GRM8: variants seen among roughly 807,000 people sequenced by gnomAD.
GRM8 encodes metabotropic glutamate receptor 8.
GRM8 carries 47 observed loss-of-function variants against 87.2 expected under a neutral mutation model. The observed-to-expected ratio is 0.54, with a 90% confidence interval of 0.43 to 0.69. The LOEUF is 0.69. Ranked by LOEUF, GRM8 falls within the 30% of genes least tolerant of loss-of-function variation. GRM8 has a pLI of 0.00. For synonymous variants in GRM8, 396 were observed against 404.5 expected (o/e 0.98, Z 0.25); for missense variants, 1,019 against 1,139.2 (o/e 0.89, Z 1.52).
intron 9 of GRM8, among the ~76,000 whole-genome samples, chr7:126,477,581 G>GAGAAAGAAAGAAAGAA (rs36192147): frequency 2.9e-4 from 23 of 79,166 alleles, no homozygotes; most frequent in Non-Finnish European, 4.3e-4. Context: ...GAAAGAAAGA[G>GAGAAAGAAAGAAAGAA]AGAAAGAAAG....
intron 7 of GRM8, among the ~76,000 whole-genome samples, chr7:126,623,513 G>A (rs1199068499): frequency 6.6e-6 from 1 of 152,102 alleles, no homozygotes; most frequent in African/African-American, 2.4e-5. Context: ...GGTTAGTGCT[G>A]ACCAGATTAA....
intron 2 of GRM8, among the ~76,000 whole-genome samples, chr7:127,147,126 T>C (rs1346751229): frequency 1.3e-5 from 2 of 152,006 alleles, no homozygotes; most frequent in Non-Finnish European, 2.9e-5. Flanking sequence ...TGAGGTTCAG[T>C]AGACATAGAG....
intron 3 of GRM8, among the ~76,000 whole-genome samples, chr7:127,071,293 C>T (rs1298704566): frequency 6.6e-6 from 1 of 152,170 alleles, no homozygotes; most frequent in East Asian, 1.9e-4. Context: ...CCTAGTTTTT[C>T]AACTCAACTT....
At chr7:126,781,040 A>C (rs1820017159) in intron 6 of GRM8, among the ~76,000 whole-genome samples, 1 of 152,240 alleles carries the variant, frequency 6.6e-6, no homozygotes, top group Non-Finnish European at 1.5e-5. Context: ...GCACCATAGC[A>C]AAGAGTGGTA....
At chr7:127,212,615 C>T (rs1796286920) in intron 2 of GRM8, among the ~76,000 whole-genome samples, 1 of 151,908 alleles carries the variant, frequency 6.6e-6, no homozygotes, top group African/African-American at 2.4e-5. Flanking sequence ...GACGGGGTTT[C>T]ACCGTTTTAG....
chr7:126,983,299 T>A (rs1035052709), intron 3 of GRM8, among the ~76,000 whole-genome samples: 1 of 151,906 alleles, frequency 6.6e-6, no homozygotes, highest in African/African-American at 2.4e-5. Context: ...AGCATCTGGA[T>A]TGAAAGGATA....
At chr7:126,621,732 A>T (rs562811963) in intron 7 of GRM8, among the ~76,000 whole-genome samples, 17 of 68,546 alleles carry the variant, frequency 2.5e-4, no homozygotes, top group Non-Finnish European at 6.0e-4. Flanking sequence ...ATCACCATTT[A>T]AAAAAAAAAA....
At chr7:127,030,452 G>C (rs1817253560) in intron 3 of GRM8, among the ~76,000 whole-genome samples, 1 of 152,066 alleles carries the variant, frequency 6.6e-6, no homozygotes. Context: ...TTAATTTTCT[G>C]GTCCTCAACT....
At chr7:127,165,053 C>T (rs1240252900) in intron 2 of GRM8, among the ~76,000 whole-genome samples, 1 of 148,736 alleles carries the variant, frequency 6.7e-6, no homozygotes, top group East Asian at 2.0e-4. Flanking sequence ...TTTCTAAGTC[C>T]TGAGGATGTA....
In GRM8 at chr7:127,185,680, C is replaced by A. The variant is rs190068686; in HGVS notation, c.510+57015G>T. Among the ~76,000 whole-genome samples, 316 of 152,258 alleles carry A rather than the reference C, an allele frequency of 2.1e-3. 3 individuals carry two copies. Among genetic ancestry groups the A allele is most frequent in the Admixed American group, 0.019 (289 of 15,286 alleles). On this transcript the variant is annotated intron_variant, in intron 2 of 10. Coordinates refer to ENST00000339582, the MANE Select transcript of GRM8 (RefSeq NM_000845.3). ...CCCATGTACTGGGCTCAGCCAAGTT[C>A]ATCAGCTCAGGTGTCAATATTGTTT...
rs1812585624 is a variant in GRM8, at chr7:126,722,994, T to TTTATATATATAATTTACATATATATAAA, written c.1357+46843_1357+46870dup. On this transcript the variant is annotated intron_variant, in intron 7 of 10. Transcript: ENST00000339582. ...TATAATTTACATATATTATATATAA[T>TTTATATATATAATTTACATATATATAAA]TTATATATATAATTTACATATATAT... is the stretch of plus-strand genomic sequence containing the variant. Among the ~76,000 whole-genome samples, 2 of 146,538 alleles carry TTTATATATATAATTTACATATATATAAA rather than the reference T, an allele frequency of 1.4e-5. 1 individual carries two copies. Among genetic ancestry groups the TTTATATATATAATTTACATATATATAAA allele is most frequent in the South Asian group, 4.2e-4 (2 of 4,786 alleles).
At chr7:126,454,194 T>C (rs1802958158) in intron 9 of GRM8, among the ~76,000 whole-genome samples, 1 of 151,816 alleles carries the variant, frequency 6.6e-6, no homozygotes, top group Admixed American at 6.6e-5. Flanking sequence ...TTAAAGTATC[T>C]CTATCTCTAT....
intron 6 of GRM8, among the ~76,000 whole-genome samples, chr7:126,900,292 T>C (rs1462159337): frequency 6.6e-6 from 1 of 152,194 alleles, no homozygotes; most frequent in Non-Finnish European, 1.5e-5. Flanking sequence ...TTATATTTCC[T>C]CTGTTAACTA....
rs569151964 is a variant in GRM8 at position 127,222,323 on chromosome 7, C to A, written c.510+20372G>T. ...TTCAGGAGGCTGAGGCATGAGAATC[C>A]CTTGGAACCGGGAGGCGGAGACTGT... On this transcript the variant is annotated intron_variant, in intron 2 of 10. Transcript: ENST00000339582. Among the ~76,000 whole-genome samples the A allele has an allele frequency of 6.6e-5, 10 of 152,230 alleles. No homozygotes were observed. The East Asian group carries it at 1.5e-3, about 24-fold the overall frequency.
At chr7:127,166,267 C>T (rs957906475) in intron 2 of GRM8, among the ~76,000 whole-genome samples, 2 of 152,146 alleles carry the variant, frequency 1.3e-5, no homozygotes, top group Admixed American at 6.5e-5. Context: ...CCTGCTTCTT[C>T]TCTCTGGTGA....
At chr7:127,121,303 C>CAGA (rs2133180773) in intron 2 of GRM8, among the ~76,000 whole-genome samples, 1 of 152,228 alleles carries the variant, frequency 6.6e-6, no homozygotes, top group South Asian at 2.1e-4. Context: ...AGGGGCATCT[C>CAGA]CCAAGGTTTG....
rs1005857057 is a variant in GRM8, at chr7:126,575,910, T to A, written c.1494+33452A>T. ...TTTCTCTCATCACCCAATTATTAGCTCTCATCCACTCTTCTCCCAGAATGG... is the reference window on the plus strand; with the variant it reads ...TTTCTCTCATCACCCAATTATTAGCACTCATCCACTCTTCTCCCAGAATGG... On this transcript the variant is annotated intron_variant, in intron 8 of 10. Coordinates refer to ENST00000339582, the MANE Select transcript of GRM8 (RefSeq NM_000845.3). Among the ~76,000 whole-genome samples, 11 of 152,162 alleles carry A rather than the reference T, an allele frequency of 7.2e-5. No individual in the cohort carries two copies. The East Asian group carries it at 2.1e-3, about 29-fold the overall frequency.
chr7:126,459,474 TA>T (rs1371095356), intron 9 of GRM8, among the ~76,000 whole-genome samples: 1 of 151,546 alleles, frequency 6.6e-6, no homozygotes, highest in Non-Finnish European at 1.5e-5. Flanking sequence ...TCAGCATTTT[TA>T]TTTTGCTTTT....
chr7:126,555,259 A>C (rs2150941929), intron 8 of GRM8, among the ~76,000 whole-genome samples: 1 of 152,334 alleles, frequency 6.6e-6, no homozygotes, highest in South Asian at 2.1e-4. Flanking sequence ...TAGGTTGCAG[A>C]GTGCTCATAG....
Sources: allele counts gnomAD v4.1 joint callset (sites outside exome capture counted in the v4.1 genomes callset), GRCh38; gene constraint gnomAD v4.1.1; transcripts MANE v1.5; gene names NCBI Gene and HGNC (gene_info 2026-07-23, HGNC 2026-07-21).